GRID1: variants seen among roughly 807,000 people sequenced by gnomAD.
GRID1 encodes the protein glutamate receptor ionotropic, delta-1.
Under a neutral mutation model 98.0 loss-of-function variants are expected in GRID1, and 28 were observed. That is an observed-to-expected ratio of 0.29 (90% CI 0.21 to 0.39). GRID1 has a LOEUF of 0.39. Ranked by LOEUF, GRID1 falls within the 10% of genes least tolerant of loss-of-function variation. GRID1 has a pLI of 1.00. For synonymous variants in GRID1, 553 were observed against 538.5 expected (o/e 1.03, Z -0.37); for missense variants, 1,111 against 1,340.5 (o/e 0.83, Z 2.67).
At position 85,613,644 on chromosome 10, in the gene GRID1, G is replaced by A. The variant is rs761831600; in HGVS notation, c.2364C>T (p.Ile788=). The A allele has an allele frequency of 6.8e-6, 11 of 1,613,148 alleles. No individual in the cohort carries two copies. The highest frequency in any genetic ancestry group is 1.7e-5 in the Admixed American group (1 of 59,972). Residue 788 remains isoleucine, a synonymous_variant, in exon 15 of 16, where the codon ATC becomes ATT. Transcript: ENST00000327946. ...SPYRDLFSQR[I]LELQDTGDLD... is the part of the protein sequence containing the mutation. ...GGTCCCCTGTGTCCTGCAGCTCCAG[G>A]ATCCTGTAAGACACAATCAAGGTGA...
At chr10:86,267,483 GCTT>G (rs1847121706) in intron 2 of GRID1, among the ~76,000 whole-genome samples, 1 of 152,232 alleles carries the variant, frequency 6.6e-6, no homozygotes, top group South Asian at 2.1e-4. Flanking sequence ...CAACCCAGGA[GCTT>G]TTGTTCAGGA....
intron 8 of GRID1, among the ~76,000 whole-genome samples, chr10:85,730,630 G>A (rs1312615210): frequency 3.3e-5 from 5 of 152,130 alleles, no homozygotes; most frequent in African/African-American, 9.7e-5. Flanking sequence ...ACTGAAAGTT[G>A]GGCCTTACCC....
intron 2 of GRID1, among the ~76,000 whole-genome samples, chr10:86,242,104 C>T (rs1048526236): frequency 2.6e-5 from 4 of 152,230 alleles, no homozygotes; most frequent in Non-Finnish European, 5.9e-5. Flanking sequence ...GTGCTAGGTT[C>T]TGGCAACACA....
intron 8 of GRID1, among the ~76,000 whole-genome samples, chr10:85,767,392 G>A (rs752640550): frequency 6.6e-6 from 1 of 152,036 alleles, no homozygotes; most frequent in Admixed American, 6.6e-5. Flanking sequence ...CCATTTTTGG[G>A]TGTGTTAGCT....
intron 4 of GRID1, among the ~76,000 whole-genome samples, chr10:85,988,424 G>A (rs187414174): frequency 1.3e-5 from 2 of 152,324 alleles, no homozygotes; most frequent in East Asian, 1.9e-4. Context: ...TAGAAGCTCT[G>A]TAACTACTGG....
rs189081940 is a variant in GRID1, at chr10:85,928,185, G to A, written c.727-11946C>T. On this transcript the variant is annotated intron_variant, in intron 4 of 15. Coordinates refer to ENST00000327946, the MANE Select transcript of GRID1 (RefSeq NM_017551.3). Reference sequence around the variant, plus strand: ...ATCTTAACAGTTTGGGAGAGACCAGGTGTGGTGGCTCACACCTGTGATCCA... The same window carrying A: ...ATCTTAACAGTTTGGGAGAGACCAGATGTGGTGGCTCACACCTGTGATCCA... Among the ~76,000 whole-genome samples the A allele has an allele frequency of 1.3e-4, 20 of 152,310 alleles. No homozygotes were observed. In the East Asian group the frequency reaches 3.9e-3, roughly 29 times the overall value.
chr10:86,124,158 G>A (rs1277440598), intron 4 of GRID1, among the ~76,000 whole-genome samples: 1 of 152,192 alleles, frequency 6.6e-6, no homozygotes, highest in Non-Finnish European at 1.5e-5. Flanking sequence ...TCAGAGAGTG[G>A]CAGAGACAAC....
At chr10:85,720,349 C>T (rs1025449671) in intron 12 of GRID1, among the ~76,000 whole-genome samples, 2 of 151,830 alleles carry the variant, frequency 1.3e-5, no homozygotes, top group Non-Finnish European at 2.9e-5. Context: ...TATATAGATG[C>T]ACGTCCTAGA....
At chr10:86,297,875 C>A (rs963662665) in intron 2 of GRID1, among the ~76,000 whole-genome samples, 1 of 152,228 alleles carries the variant, frequency 6.6e-6, no homozygotes, top group Non-Finnish European at 1.5e-5. Context: ...GGTCACTTCA[C>A]ATCTATTAAA....
intron 4 of GRID1, among the ~76,000 whole-genome samples, chr10:85,957,123 C>T (rs1842204598): frequency 6.6e-6 from 1 of 152,142 alleles, no homozygotes; most frequent in African/African-American, 2.4e-5. Flanking sequence ...AGGAACCGCC[C>T]CCATGATCTA....
At chr10:86,095,781 A>G (rs1186520450) in intron 4 of GRID1, among the ~76,000 whole-genome samples, 1 of 152,228 alleles carries the variant, frequency 6.6e-6, no homozygotes, top group East Asian at 1.9e-4. Context: ...AAACTAGTAC[A>G]GCCACTATGG....
At chr10:85,642,297 T>A (rs1342803902) in intron 13 of GRID1, among the ~76,000 whole-genome samples, 1 of 152,186 alleles carries the variant, frequency 6.6e-6, no homozygotes, top group Non-Finnish European at 1.5e-5. Flanking sequence ...CAATCCTTGG[T>A]CTAGTCTTTC....
intron 15 of GRID1, among the ~76,000 whole-genome samples, chr10:85,603,895 G>A (rs1842618330): frequency 6.6e-6 from 1 of 152,092 alleles, no homozygotes; most frequent in African/African-American, 2.4e-5. Context: ...CCACCTTGCA[G>A]GGGAGTTAGA....
At chr10:85,815,523 G>A (rs1045330708) in intron 8 of GRID1, among the ~76,000 whole-genome samples, 8 of 152,000 alleles carry the variant, frequency 5.3e-5, no homozygotes, top group African/African-American at 1.9e-4. Flanking sequence ...AAATCTACTA[G>A]TAAGTAGTAA....
intron 2 of GRID1, among the ~76,000 whole-genome samples, chr10:86,338,129 G>A (rs142619551): frequency 6.6e-6 from 1 of 152,100 alleles, no homozygotes; most frequent in Non-Finnish European, 1.5e-5. Flanking sequence ...CATGACCCAG[G>A]CTGTGCCCGT....
chr10:85,627,262 T>C (rs1842924179), intron 13 of GRID1, among the ~76,000 whole-genome samples: 1 of 152,220 alleles, frequency 6.6e-6, no homozygotes, highest in Non-Finnish European at 1.5e-5. Context: ...GACAAGTTGT[T>C]TAACATCTCT....
chr10:86,247,485 G>A (rs930625718), intron 2 of GRID1, among the ~76,000 whole-genome samples: 1 of 152,142 alleles, frequency 6.6e-6, no homozygotes, highest in Non-Finnish European at 1.5e-5. Flanking sequence ...ATAGATGGAT[G>A]AATGGATGGA....
At chr10:85,863,778 A>G (rs187803557) in intron 6 of GRID1, among the ~76,000 whole-genome samples, 3 of 152,226 alleles carry the variant, frequency 2.0e-5, no homozygotes, top group Non-Finnish European at 4.4e-5. Flanking sequence ...TCCTGGCAGC[A>G]GCACATGCCT....
At chr10:85,941,475 T>C (rs572566190) in intron 4 of GRID1, among the ~76,000 whole-genome samples, 2 of 152,306 alleles carry the variant, frequency 1.3e-5, no homozygotes, top group East Asian at 1.9e-4. Context: ...CTATTAACGA[T>C]GGTTATATCT....
Sources: gnomAD v4.1 joint callset for allele counts (sites outside exome capture counted in the v4.1 genomes callset) on GRCh38, gnomAD v4.1.1 for gene constraint, MANE v1.5 for transcripts, NCBI Gene and HGNC (gene_info 2026-07-23, HGNC 2026-07-21) for gene names.